CDRT4: variants seen among roughly 807,000 people sequenced by gnomAD.
CDRT4 encodes CMT1A duplicated region transcript 4, also known as CMT1A duplicated region transcript 4 protein.
For missense variants in CDRT4, 167 were observed against 193.1 expected (o/e 0.87, Z 0.80); for synonymous variants, 64 against 69.6 (o/e 0.92, Z 0.40).
chr17:15,440,357 G>A, intron 2 of CDRT4, 72 bp from the exon 3 acceptor site: 4 of 1,547,768 alleles, frequency 2.6e-6, no homozygotes, highest in Non-Finnish European at 2.6e-6. Context: ...CCTGGGTGGG[G>A]GTGGTTCTAA....
At chr17:15,462,542 C>G (rs936149894) in intron 1 of CDRT4, among the ~76,000 whole-genome samples, 1 of 151,630 alleles carries the variant, frequency 6.6e-6, no homozygotes, top group Non-Finnish European at 1.5e-5. Context: ...TAGCTGGACA[C>G]TGCAGACAGA....
At chr17:15,446,113 A>G (rs1221030125) in intron 2 of CDRT4, among the ~76,000 whole-genome samples, 1 of 152,208 alleles carries the variant, frequency 6.6e-6, no homozygotes, top group Non-Finnish European at 1.5e-5. Flanking sequence ...TCCACTTAGC[A>G]GAACTTGCGG....
chr17:15,445,410 G>A (rs1978980064), intron 2 of CDRT4, among the ~76,000 whole-genome samples: 1 of 152,132 alleles, frequency 6.6e-6, no homozygotes, highest in Non-Finnish European at 1.5e-5. Context: ...CTTTGGAGCA[G>A]GATTTTCAGA....
At chr17:15,440,386 A>G in intron 2 of CDRT4, 101 bp from the exon 3 acceptor site, 8 of 1,333,930 alleles carry the variant, frequency 6.0e-6, no homozygotes, top group Non-Finnish European at 8.3e-6. Flanking sequence ...TGGTCACTGC[A>G]TGAGGCTAAG....
Position 15,436,069 on chromosome 17 carries a change from T to C in CDRT4, c.*1704A>G, listed in dbSNP as rs1299672014. 6.6e-6 allele frequency: 1 copy of C among 152,164 alleles called. No homozygotes were observed. The highest frequency in any genetic ancestry group is 1.5e-5 in the Non-Finnish European group (1 of 68,038). The allele number at this position is 152,164 out of a possible 1,614,324, so 9.4% of individuals were successfully genotyped here. A position where few individuals can be genotyped will look rare whatever the true frequency, so the allele number is the denominator to read the frequency against. On this transcript the variant is annotated 3_prime_UTR_variant, in exon 4 of 4. Coordinates refer to ENST00000619038, the MANE Select transcript of CDRT4 (RefSeq NM_001204477.2). ...TGCCTCCATGTCTATAAACGTTCCATGGACACAAAATACAATCATTCAAAT... is the reference window on the plus strand; with the variant it reads ...TGCCTCCATGTCTATAAACGTTCCACGGACACAAAATACAATCATTCAAAT...
At chr17:15,460,427 T>G (rs1979694303) in intron 1 of CDRT4, among the ~76,000 whole-genome samples, 1 of 152,176 alleles carries the variant, frequency 6.6e-6, no homozygotes, top group Non-Finnish European at 1.5e-5. Context: ...TAACTCACAC[T>G]ATAGGTGTTT....
Position 15,464,426 on chromosome 17 carries a change from G to A in CDRT4, c.-130+3034C>T, listed in dbSNP as rs1979900838. Among the ~76,000 whole-genome samples the A allele has an allele frequency of 6.6e-6, 1 of 152,144 alleles. No individual in the cohort carries two copies. The highest frequency in any genetic ancestry group is 1.5e-5 in the Non-Finnish European group (1 of 68,026). On this transcript the variant is annotated intron_variant, in intron 1 of 3. Transcript: ENST00000619038. This position sits in a 1 kb window ranked among gnomAD's most constrained non-coding sequence, Gnocchi z 4.5. ...ACATATCACCCTCACTGCAGCAGCGGCTGCCTTTTCCGAGCTCGCTTCTTC... is the reference window on the plus strand; with the variant it reads ...ACATATCACCCTCACTGCAGCAGCGACTGCCTTTTCCGAGCTCGCTTCTTC...
chr17:15,459,042 C>T (rs1448573232), intron 1 of CDRT4, among the ~76,000 whole-genome samples: 3 of 152,150 alleles, frequency 2.0e-5, no homozygotes, highest in Non-Finnish European at 4.4e-5. Flanking sequence ...TCATGATTTG[C>T]CTTGGGGAGG....
chr17:15,460,328 T>C (rs906830721), intron 1 of CDRT4, among the ~76,000 whole-genome samples: 1 of 152,184 alleles, frequency 6.6e-6, no homozygotes, highest in African/African-American at 2.4e-5. Context: ...TCAAATCATG[T>C]CAACTCAACC....
intron 1 of CDRT4, among the ~76,000 whole-genome samples, chr17:15,456,813 C>T (rs1297674387): frequency 6.6e-6 from 1 of 152,144 alleles, no homozygotes; most frequent in East Asian, 1.9e-4. Context: ...CTCACCAATC[C>T]AGAACACAAG....
At chr17:15,438,274 G>A in intron 3 of CDRT4, 74 bp from the exon 4 acceptor site, 2 of 1,476,166 alleles carry the variant, frequency 1.4e-6, no homozygotes, top group Non-Finnish European at 1.8e-6. Flanking sequence ...AAAATGGGAA[G>A]GCATTGGAAC....
At chr17:15,457,736 G>C (rs918065817) in intron 1 of CDRT4, among the ~76,000 whole-genome samples, 2 of 152,208 alleles carry the variant, frequency 1.3e-5, no homozygotes, top group African/African-American at 2.4e-5. Context: ...GCCCCCCTGA[G>C]CTGCTTTGCT....
Position 15,437,870 on chromosome 17 carries a change from A to G in CDRT4, c.362T>C (p.Leu121Ser). The G allele has an allele frequency of 6.2e-7, 1 of 1,614,186 alleles. No homozygotes were observed. Among genetic ancestry groups the G allele is most frequent in the Non-Finnish European group, 8.5e-7 (1 of 1,180,022 alleles). ...APTMIPEPTH[L>S]HADSRDCPTE... ...TGGACAGTCTCTGGAATCCGCATGT[A>G]AGTGTGTGGGTTCTGGGATCATGGT... Residue 121 changes from leucine to serine, a missense_variant, in exon 4 of 4, where the codon TTA becomes TCA. Transcript: ENST00000619038.
intron 2 of CDRT4, among the ~76,000 whole-genome samples, chr17:15,442,337 G>C (rs1259929102): frequency 6.6e-6 from 1 of 151,802 alleles, no homozygotes; most frequent in Non-Finnish European, 1.5e-5. Context: ...TTGAACCCAG[G>C]AGGCGGAGGT....
At chr17:15,445,878 A>T (rs1233085947) in intron 2 of CDRT4, among the ~76,000 whole-genome samples, 2 of 152,086 alleles carry the variant, frequency 1.3e-5, no homozygotes, top group Non-Finnish European at 2.9e-5. Context: ...CCCCAGAAGG[A>T]GAATCACATT....
At chr17:15,439,679 G>A (rs1978665526) in intron 3 of CDRT4, among the ~76,000 whole-genome samples, 1 of 152,074 alleles carries the variant, frequency 6.6e-6, no homozygotes, top group South Asian at 2.1e-4. Context: ...GCAAAGACTT[G>A]GAACCAACCC....
intron 1 of CDRT4, among the ~76,000 whole-genome samples, chr17:15,453,672 T>C (rs1220588085): frequency 6.6e-6 from 1 of 152,176 alleles, no homozygotes; most frequent in Non-Finnish European, 1.5e-5. Context: ...AAGACGGCAA[T>C]TGATAGGAGA....
chr17:15,451,556 T>C lies in CDRT4; in HGVS notation c.-48+1448A>G, dbSNP rs191045257. Among the ~76,000 whole-genome samples the C allele has an allele frequency of 6.9e-4, 105 of 152,224 alleles. 3 individuals are homozygous for C. In the East Asian group the frequency reaches 0.019, roughly 28 times the overall value. On this transcript the variant is annotated intron_variant, in intron 2 of 3. Transcript: ENST00000619038. ...CTGGCCCCTGCCTCCCCACAAGCCT[T>C]GGCCAGAGCAGCTCCCCACATCACC... is the stretch of plus-strand genomic sequence containing the variant.
At chr17:15,460,349 T>C (rs575480083) in intron 1 of CDRT4, among the ~76,000 whole-genome samples, 1 of 152,268 alleles carries the variant, frequency 6.6e-6, no homozygotes, top group East Asian at 1.9e-4. Context: ...TGTAATTGTC[T>C]TAAATCCTTC....
Sources: allele counts gnomAD v4.1 joint callset (sites outside exome capture counted in the v4.1 genomes callset), GRCh38; gene constraint gnomAD v4.1.1; non-coding constraint Gnocchi (gnomAD v3.1); transcripts MANE v1.5; gene names NCBI Gene and HGNC (gene_info 2026-07-23, HGNC 2026-07-21).